Variants in VSIG1 observed in about 807,000 individuals in gnomAD.
VSIG1 encodes the protein V-set and immunoglobulin domain containing 1.
Under a neutral mutation model 20.1 loss-of-function variants are expected in VSIG1, and 11 were observed. The ratio of observed to expected loss-of-function variants is 0.55; its 90% CI spans 0.34 to 0.91. The LOEUF is 0.91. VSIG1 is among the 40% of genes least tolerant of loss of function. The pLI, the probability that VSIG1 is intolerant of heterozygous loss-of-function variation, is 0.02. For synonymous variants in VSIG1, 126 were observed against 116.7 expected (o/e 1.08, Z -0.52); for missense variants, 283 against 298.8 (o/e 0.95, Z 0.39).
intron 1 of VSIG1, among the ~76,000 whole-genome samples, chrX:108,050,163 G>A (rs1265678648): frequency 1.8e-5 from 2 of 112,216 alleles, no homozygotes; most frequent in African/African-American, 3.2e-5. Flanking sequence ...TCAGTACAAC[G>A]ATTTTTTTTC....
chrX:108,034,748 G>A, the VSIG1 span, among the ~76,000 whole-genome samples: 1 of 111,778 alleles, frequency 8.9e-6, no homozygotes, highest in Admixed American at 9.5e-5. Context: ...CGTGGATGAG[G>A]AAAACAAAGC....
chrX:108,056,907 A>C (rs1321871350), intron 1 of VSIG1, among the ~76,000 whole-genome samples: 4 of 112,329 alleles, frequency 3.6e-5, no homozygotes, highest in African/African-American at 9.7e-5. Context: ...GTGCCAGAGA[A>C]ATAAAAATTT....
At chrX:108,069,763 C>G (rs183259499) in intron 3 of VSIG1, among the ~76,000 whole-genome samples, 1 of 111,810 alleles carries the variant, frequency 8.9e-6, no homozygotes, top group African/African-American at 3.2e-5. Flanking sequence ...GGTCTTAGCC[C>G]TCTAAAATTC....
Position 108,058,111 on chromosome X carries a change from C to T in VSIG1, c.123C>T (p.Leu41=), listed in dbSNP as rs2030946146. The part of the protein sequence containing the change: ...VNVTVGSNVT[L]ICIYTTTVAS... ...TGACTGTTGGATCTAATGTCACTCT[C>T]ATCTGCATCTACACCACCACTGTGG... The change falls in exon 2 of 7, where the codon CTC becomes CTT. Residue 41 remains leucine (L), a synonymous_variant. Coordinates refer to ENST00000217957, the MANE Select transcript of VSIG1 (RefSeq NM_182607.5). The T allele has an allele frequency of 6.6e-6, 8 of 1,210,818 alleles. No homozygotes were observed. Among genetic ancestry groups the T allele is most frequent in the Non-Finnish European group, 8.9e-6 (8 of 894,814 alleles).
At chrX:108,062,400 G>A (rs2031045867) in intron 2 of VSIG1, among the ~76,000 whole-genome samples, 1 of 111,368 alleles carries the variant, frequency 9.0e-6, no homozygotes, top group African/African-American at 3.3e-5. Context: ...CAAAATGCCA[G>A]TGTCACCCCT....
the VSIG1 span, among the ~76,000 whole-genome samples, chrX:108,038,187 C>T: frequency 9.0e-6 from 1 of 111,233 alleles, no homozygotes; most frequent in African/African-American, 3.3e-5. Context: ...CACCTATCAA[C>T]CAGTCATCTA....
the VSIG1 span, among the ~76,000 whole-genome samples, chrX:108,020,631 G>A: frequency 8.9e-6 from 1 of 111,737 alleles, no homozygotes; most frequent in Non-Finnish European, 1.9e-5. Flanking sequence ...TGTCTGGCTT[G>A]TTTTGGTTTT....
intron 1 of VSIG1, among the ~76,000 whole-genome samples, chrX:108,054,530 G>T (rs1361529852): frequency 9.1e-6 from 1 of 110,260 alleles, no homozygotes; most frequent in Non-Finnish European, 1.9e-5. Flanking sequence ...CTTTTTTTTG[G>T]CACCTACAGA....
At chrX:108,019,724 C>A in the VSIG1 span, among the ~76,000 whole-genome samples, 1 of 112,096 alleles carries the variant, frequency 8.9e-6, no homozygotes, top group Non-Finnish European at 1.9e-5. Flanking sequence ...GTGGGTTGGG[C>A]TTTCAAAATG....
intron 3 of VSIG1, among the ~76,000 whole-genome samples, chrX:108,071,512 A>G (rs2031242746): frequency 9.0e-6 from 1 of 111,211 alleles, no homozygotes; most frequent in Non-Finnish European, 1.9e-5. Context: ...TTCCCACAGG[A>G]CTTCTCCCCT....
intron 3 of VSIG1, among the ~76,000 whole-genome samples, chrX:108,068,485 G>A (rs759630414): frequency 8.9e-6 from 1 of 111,739 alleles, no homozygotes; most frequent in Non-Finnish European, 1.9e-5. Context: ...AAGCATAGCA[G>A]CTTCTTGGGA....
rs1569292737 is a variant in VSIG1, at chrX:108,072,764, C to T, written c.500C>T (p.Thr167Ile). 8.3e-7 allele frequency: 1 copy of T among 1,210,916 alleles called. No homozygotes were observed. The highest frequency in any genetic ancestry group is 2.3e-4 in the Middle Eastern group (1 of 4,352). Reference protein sequence around the residue: ...ISLSCLSALGTPSPVYYWHKL... With the variant: ...ISLSCLSALGIPSPVYYWHKL... ...CTTTCCTGTCTCTCTGCGCTTGGAA[C>T]ACCTTCCCCTGTGTACTACTGGCAT... Residue 167 changes from threonine (T) to isoleucine (I), a missense_variant, in exon 4 of 7, where the codon ACA (threonine) becomes ATA (isoleucine). By Grantham distance (89) the Thr-to-Ile change is moderately conservative (BLOSUM62 -1). Coordinates refer to ENST00000217957, the MANE Select transcript of VSIG1 (RefSeq NM_182607.5).
At chrX:108,039,686 G>C in the VSIG1 span, among the ~76,000 whole-genome samples, 1 of 110,815 alleles carries the variant, frequency 9.0e-6, no homozygotes, top group Non-Finnish European at 1.9e-5. Flanking sequence ...CCGGGTAATG[G>C]GCACTGGTGG....
chrX:108,070,244 G>A (rs771212741), intron 3 of VSIG1, among the ~76,000 whole-genome samples: 2 of 110,846 alleles, frequency 1.8e-5, no homozygotes, highest in Non-Finnish European at 1.9e-5. Context: ...TTTCTGAGCT[G>A]AGCCTTTTCC....
chrX:108,019,658 AT>A, the VSIG1 span, among the ~76,000 whole-genome samples: 2 of 111,839 alleles, frequency 1.8e-5, no homozygotes, highest in African/African-American at 6.5e-5. Context: ...GGAGGTTAGA[AT>A]TGTTTTCTGT....
At chrX:108,053,312 A>G (rs911900582) in intron 1 of VSIG1, among the ~76,000 whole-genome samples, 24 of 111,925 alleles carry the variant, frequency 2.1e-4, no homozygotes, top group African/African-American at 6.8e-4. Context: ...ACACCATTTT[A>G]TACTCTAGAC....
upstream of VSIG1, among the ~76,000 whole-genome samples, chrX:108,041,553 CGTGTGTGTGTGT>C (rs371173365): frequency 7.0e-5 from 7 of 99,987 alleles, no homozygotes; most frequent in African/African-American, 1.1e-4. Context: ...TAAAAAACCT[CGTGTGTGTGTGT>C]GTGTGTGTGT....
At chrX:108,032,343 C>A in the VSIG1 span, among the ~76,000 whole-genome samples, 6 of 112,095 alleles carry the variant, frequency 5.4e-5, no homozygotes. Flanking sequence ...TGTATCCACC[C>A]ATCCATTTAT....
the VSIG1 span, among the ~76,000 whole-genome samples, chrX:108,029,460 A>C: frequency 8.9e-6 from 1 of 112,010 alleles, no homozygotes; most frequent in Non-Finnish European, 1.9e-5. Context: ...CTGAACTCAA[A>C]GTGTTGTAAA....
Sources: allele counts gnomAD v4.1 joint callset (sites outside exome capture counted in the v4.1 genomes callset), GRCh38; gene constraint gnomAD v4.1.1; transcripts MANE v1.5; gene names NCBI Gene and HGNC (gene_info 2026-07-23, HGNC 2026-07-21).